The following RARB variants were observed in gnomAD, a reference collection of about 807,000 sequenced individuals.
RARB encodes the protein HBV-activated protein.
A neutral mutation model predicts 51.9 loss-of-function variants in RARB; 17 were observed. The ratio of observed to expected loss-of-function variants is 0.33; its 90% CI spans 0.22 to 0.49. The LOEUF is 0.49. Ranked by LOEUF, RARB falls within the 20% of genes least tolerant of loss-of-function variation. The pLI is 0.99. For missense variants in RARB, 369 were observed against 550.8 expected (o/e 0.67, Z 3.30); for synonymous variants, 215 against 195.4 (o/e 1.10, Z -0.84).
intron 5 of RARB, among the ~76,000 whole-genome samples, chr3:25,418,126 C>T (rs1394509881): frequency 6.6e-6 from 1 of 152,128 alleles, no homozygotes; most frequent in Non-Finnish European, 1.5e-5. Context: ...GAGAACATGG[C>T]CACACCTAGC....
intron 3 of RARB, among the ~76,000 whole-genome samples, chr3:25,524,976 C>A (rs1339478507): frequency 6.6e-6 from 1 of 152,064 alleles, no homozygotes; most frequent in Admixed American, 6.6e-5. Context: ...TGATCCACCC[C>A]CCTCAGCCTC....
chr3:24,975,772 T>A (rs1043715020), intron 2 of RARB, among the ~76,000 whole-genome samples: 1 of 149,242 alleles, frequency 6.7e-6, no homozygotes, highest in Non-Finnish European at 1.5e-5. Flanking sequence ...GGCTGTGATT[T>A]TTTTTTTGTT....
rs370598264 is a variant in RARB, at chr3:25,111,583, G to GTTTTTTT, written c.-327-20565_-327-20559dup. 5.0e-4 allele frequency among the ~76,000 whole-genome samples: 60 copies of GTTTTTTT among 120,862 alleles called. 2 individuals are homozygous for GTTTTTTT. Among genetic ancestry groups the GTTTTTTT allele is most frequent in the African/African-American group, 1.6e-3 (51 of 32,170 alleles). The allele number at this position is 120,862 out of a possible 152,430, so 79.3% of individuals were successfully genotyped here. ...TAAATGATCTCCGTTTCTAACAGTG[G>GTTTTTTT]TTTTTTTTTTTTTTTTTTTGAGACG... On this transcript the variant is annotated intron_variant, in intron 3 of 11. Transcript: ENST00000383772.
intron 5 of RARB, among the ~76,000 whole-genome samples, chr3:25,377,110 G>T (rs1474032261): frequency 6.6e-6 from 1 of 152,156 alleles, no homozygotes; most frequent in Non-Finnish European, 1.5e-5. Flanking sequence ...TCACTGGCTT[G>T]TAGAGAAATA....
intron 3 of RARB, among the ~76,000 whole-genome samples, chr3:25,513,646 A>G (rs1382398951): frequency 6.6e-6 from 1 of 150,748 alleles, no homozygotes; most frequent in African/African-American, 2.5e-5. Context: ...ACAGAGATTT[A>G]CTTTCTCTCA....
intron 2 of RARB, among the ~76,000 whole-genome samples, chr3:25,043,365 A>C (rs1251441481): frequency 2.0e-5 from 3 of 152,378 alleles, no homozygotes; most frequent in African/African-American, 7.2e-5. Context: ...CCAGTGACTC[A>C]TTTATTAATA....
At chr3:25,052,055 A>G (rs959419808) in intron 2 of RARB, among the ~76,000 whole-genome samples, 1 of 152,166 alleles carries the variant, frequency 6.6e-6, no homozygotes, top group Non-Finnish European at 1.5e-5. Flanking sequence ...CCATCTCGGT[A>G]TATGCTTTTG....
At chr3:25,276,731 G>T (rs1575277388) in intron 5 of RARB, among the ~76,000 whole-genome samples, 1 of 152,166 alleles carries the variant, frequency 6.6e-6, no homozygotes, top group Admixed American at 6.5e-5. Flanking sequence ...TATTCCATTT[G>T]CAAATACCTA....
intron 3 of RARB, among the ~76,000 whole-genome samples, chr3:25,071,899 A>T (rs1306509707): frequency 1.3e-5 from 2 of 152,216 alleles, no homozygotes; most frequent in African/African-American, 4.8e-5. Flanking sequence ...CTTCCCAAAG[A>T]TGCTTGAAAG....
At chr3:24,969,436 G>A (rs1035644298) in intron 2 of RARB, among the ~76,000 whole-genome samples, 5 of 152,086 alleles carry the variant, frequency 3.3e-5, no homozygotes, top group Non-Finnish European at 7.4e-5. Context: ...TTTCCCAGAA[G>A]TGAGATTTTG....
chr3:24,865,532 G>A (rs1470975532), intron 2 of RARB, among the ~76,000 whole-genome samples: 3 of 152,166 alleles, frequency 2.0e-5, no homozygotes, highest in East Asian at 1.9e-4. Context: ...ATCAGAATTC[G>A]AACCCAAGCA....
chr3:25,229,935 T>C (rs1702138173), intron 5 of RARB, among the ~76,000 whole-genome samples: 1 of 152,164 alleles, frequency 6.6e-6, no homozygotes, highest in Admixed American at 6.6e-5. Flanking sequence ...AAGTGCACTC[T>C]AGCTTTTGAG....
chr3:25,109,326 T>A (rs981748330), intron 3 of RARB, among the ~76,000 whole-genome samples: 2 of 152,168 alleles, frequency 1.3e-5, no homozygotes, highest in African/African-American at 4.8e-5. Flanking sequence ...GTTCTTTGAT[T>A]TATTTCCTGA....
At chr3:25,072,071 C>T (rs1217446218) in intron 3 of RARB, among the ~76,000 whole-genome samples, 2 of 152,200 alleles carry the variant, frequency 1.3e-5, no homozygotes, top group Non-Finnish European at 2.9e-5. Context: ...GAAGGATTCT[C>T]GTTTCTGTGT....
At chr3:25,160,338 G>A (rs1216302791) in intron 4 of RARB, among the ~76,000 whole-genome samples, 4 of 152,146 alleles carry the variant, frequency 2.6e-5, no homozygotes, top group African/African-American at 9.7e-5. Context: ...TAAAATTACT[G>A]CACTCTTGCC....
chr3:25,327,614 T>C (rs1345184947), intron 5 of RARB, among the ~76,000 whole-genome samples: 1 of 152,210 alleles, frequency 6.6e-6, no homozygotes, highest in Non-Finnish European at 1.5e-5. Context: ...TTTACTAATC[T>C]GATCTTGAGG....
chr3:24,944,900 G>A (rs771469850), intron 2 of RARB, among the ~76,000 whole-genome samples: 1 of 152,152 alleles, frequency 6.6e-6, no homozygotes, highest in Non-Finnish European at 1.5e-5. Flanking sequence ...TTATGCCATT[G>A]AAGGTTCAGT....
At chr3:25,325,784 G>C (rs1399597904) in intron 5 of RARB, among the ~76,000 whole-genome samples, 2 of 151,278 alleles carry the variant, frequency 1.3e-5, no homozygotes, top group Non-Finnish European at 2.9e-5. Context: ...CTTCAGTTTG[G>C]GGGTTGTTGG....
At chr3:25,568,055 C>T (rs933019869) in intron 3 of RARB, among the ~76,000 whole-genome samples, 7 of 152,132 alleles carry the variant, frequency 4.6e-5, no homozygotes, top group African/African-American at 9.7e-5. Context: ...TGGGAGGGAT[C>T]GGGTCACAGA....
Sources: allele counts gnomAD v4.1 joint callset (sites outside exome capture counted in the v4.1 genomes callset), GRCh38; gene constraint gnomAD v4.1.1; transcripts MANE v1.5; gene names NCBI Gene and HGNC (gene_info 2026-07-23, HGNC 2026-07-21).